The following CSMD1 variants were observed in gnomAD, a reference collection of about 807,000 sequenced individuals.
CSMD1 encodes the protein CUB and sushi domain-containing protein 1.
Under a neutral mutation model 417.5 loss-of-function variants are expected in CSMD1, and 213 were observed. The observed-to-expected ratio is 0.51, with a 90% confidence interval of 0.46 to 0.57. The LOEUF is 0.57. Ranked by LOEUF, CSMD1 falls within the 20% of genes least tolerant of loss-of-function variation. The probability of loss-of-function intolerance (pLI) is 0.00; values close to 1 mark genes in which losing one functional copy is unlikely to be tolerated. For missense variants in CSMD1, 6,923 were observed against 4,529.7 expected (o/e 1.53, Z -15.17); for synonymous variants, 2,862 against 1,736.8 (o/e 1.65, Z -16.11).
intron 2 of CSMD1, among the ~76,000 whole-genome samples, chr8:4,622,143 G>C (rs749991174): frequency 2.8e-5 from 4 of 140,588 alleles, no homozygotes; most frequent in Admixed American, 1.5e-4. Flanking sequence ...ATTTATAGAA[G>C]ATTAAACGCA....
intron 10 of CSMD1, among the ~76,000 whole-genome samples, chr8:3,537,599 G>A (rs1162534895): frequency 6.6e-6 from 1 of 152,132 alleles, no homozygotes; most frequent in African/African-American, 2.4e-5. Flanking sequence ...TTCTGATAAT[G>A]TAATGATGGA....
In CSMD1 at chr8:3,381,246, C is replaced by T. The variant is rs553272535; in HGVS notation, c.2782+6248G>A. On this transcript the variant is annotated intron_variant, in intron 18 of 69. Transcript: ENST00000635120. ...CAACTTGACAAGCCCCATGTCGGTA[C>T]CTGTTCAACAGATCTACCCACATGA... 1.8e-4 allele frequency among the ~76,000 whole-genome samples: 28 copies of T among 151,840 alleles called. 1 individual carries two copies. The East Asian group carries it at 3.9e-3, about 21-fold the overall frequency.
At chr8:4,143,321 G>A (rs922870292) in intron 3 of CSMD1, among the ~76,000 whole-genome samples, 2 of 147,740 alleles carry the variant, frequency 1.4e-5, no homozygotes, top group South Asian at 2.1e-4. Context: ...TTTATTTCCA[G>A]TTCTTCAAAT....
chr8:4,790,775 G>A (rs1029854802), intron 1 of CSMD1, among the ~76,000 whole-genome samples: 2 of 152,188 alleles, frequency 1.3e-5, no homozygotes, highest in African/African-American at 4.8e-5. Context: ...TAAATGGCTA[G>A]CCATATGCAG....
chr8:4,208,372 C>T (rs975910091), intron 3 of CSMD1, among the ~76,000 whole-genome samples: 1 of 152,038 alleles, frequency 6.6e-6, no homozygotes, highest in Non-Finnish European at 1.5e-5. Flanking sequence ...GAAGCATTTC[C>T]CCAAGGAATT....
chr8:4,947,828 G>C (rs1248178166), intron 1 of CSMD1, among the ~76,000 whole-genome samples: 2 of 152,112 alleles, frequency 1.3e-5, no homozygotes, highest in African/African-American at 2.4e-5. Context: ...TTTGCATATA[G>C]CTGTGTTTTA....
intron 3 of CSMD1, among the ~76,000 whole-genome samples, chr8:4,181,368 T>TTTA (rs58502658): frequency 1.3e-5 from 1 of 76,680 alleles, no homozygotes; most frequent in African/African-American, 6.7e-5. Context: ...TATTTATTTA[T>TTTA]TTTTTTTTTG....
At chr8:4,170,978 C>A (rs1209734847) in intron 3 of CSMD1, among the ~76,000 whole-genome samples, 2 of 151,916 alleles carry the variant, frequency 1.3e-5, no homozygotes, top group Admixed American at 6.5e-5. Context: ...AGTTGACGAA[C>A]TGAGACTGTA....
At position 4,823,029 on chromosome 8, in the gene CSMD1, ATCACTGTG is replaced by A. The variant is rs939359454; in HGVS notation, c.85+171295_85+171302del. 2.0e-5 allele frequency among the ~76,000 whole-genome samples: 3 copies of A among 152,210 alleles called. No homozygotes were observed. The East Asian group carries it at 5.8e-4, about 29-fold the overall frequency. On this transcript the variant is annotated intron_variant, in intron 1 of 69. Coordinates refer to ENST00000635120, the MANE Select transcript of CSMD1 (RefSeq NM_033225.6). ...TTTCACAATTTGCAGTTCTCATTCCATCACTGTGTCTGTGAAATGCATTTTTGCCACTC... is the reference window on the plus strand; with the variant it reads ...TTTCACAATTTGCAGTTCTCATTCCATCTGTGAAATGCATTTTTGCCACTC...
chr8:3,705,523 C>T (rs958657347), intron 7 of CSMD1, among the ~76,000 whole-genome samples: 1 of 152,164 alleles, frequency 6.6e-6, no homozygotes, highest in Non-Finnish European at 1.5e-5. Context: ...CTTTTACTCC[C>T]AGGGGAGTCT....
chr8:4,172,519 C>A (rs974754478), intron 3 of CSMD1, among the ~76,000 whole-genome samples: 14 of 151,990 alleles, frequency 9.2e-5, no homozygotes, highest in Non-Finnish European at 1.6e-4. Context: ...CAACAATATT[C>A]TCTAACTATT....
At chr8:4,273,785 T>C (rs1041877644) in intron 3 of CSMD1, among the ~76,000 whole-genome samples, 1 of 152,200 alleles carries the variant, frequency 6.6e-6, no homozygotes, top group Admixed American at 6.5e-5. Flanking sequence ...TAAGCTTCTG[T>C]CTGCGTGTAT....
chr8:3,172,372 T>A (rs1262652401), intron 37 of CSMD1, among the ~76,000 whole-genome samples: 1 of 152,228 alleles, frequency 6.6e-6, no homozygotes, highest in African/African-American at 2.4e-5. Flanking sequence ...ATGCTCATTT[T>A]TTTTCTAGGG....
At chr8:4,981,511 T>A (rs1379059123) in intron 1 of CSMD1, among the ~76,000 whole-genome samples, 3 of 152,210 alleles carry the variant, frequency 2.0e-5, no homozygotes, top group East Asian at 3.8e-4. Context: ...AAAATGACAA[T>A]GTTTAATGCA....
Position 3,396,361 on chromosome 8 carries a change from T to A in CSMD1, c.2426A>T (p.Tyr809Phe), listed in dbSNP as rs1260114641. The change falls in exon 17 of 70, where the codon TAT (tyrosine) becomes TTT (phenylalanine). Residue 809 changes from tyrosine to phenylalanine, a missense_variant. Tyr to Phe is a conservative substitution (Grantham distance 22, BLOSUM62 3). Coordinates refer to ENST00000635120, the MANE Select transcript of CSMD1 (RefSeq NM_033225.6). ...CCCATCTCTGACCTCCAAGGTGTCA[T>A]AATTGACCTCTGTCTGAAATCTGCA... is the stretch of plus-strand genomic sequence containing the variant. ...TFDRFQTEVN[Y>F]DTLEVRDGPA... 1 of 1,593,258 alleles carries A rather than the reference T, an allele frequency of 6.3e-7. No homozygotes were observed. Among genetic ancestry groups the A allele is most frequent in the Non-Finnish European group, 8.5e-7 (1 of 1,169,912 alleles).
chr8:4,536,811 C>G (rs1167987534), intron 2 of CSMD1, among the ~76,000 whole-genome samples: 3 of 152,196 alleles, frequency 2.0e-5, no homozygotes, highest in African/African-American at 7.2e-5. Context: ...ATTTTATTAA[C>G]ATGCGGCCAA....
intron 10 of CSMD1, among the ~76,000 whole-genome samples, chr8:3,500,684 T>C (rs1329552034): frequency 6.6e-6 from 1 of 152,198 alleles, no homozygotes; most frequent in Admixed American, 6.5e-5. Context: ...ATGTGTTGAA[T>C]GCTACTAAGA....
intron 7 of CSMD1, among the ~76,000 whole-genome samples, chr8:3,677,971 T>C (rs1799464983): frequency 1.3e-5 from 2 of 152,112 alleles, no homozygotes; most frequent in African/African-American, 4.8e-5. Flanking sequence ...AACACTGACT[T>C]GGTGCAGGGA....
chr8:3,486,797 C>T lies in CSMD1; in HGVS notation c.1448+6826G>A, dbSNP rs1445049065. Among the ~76,000 whole-genome samples, 6 of 152,338 alleles carry T rather than the reference C, an allele frequency of 3.9e-5. No homozygotes were observed. The East Asian group carries it at 1.2e-3, about 29-fold the overall frequency. On this transcript the variant is annotated intron_variant, in intron 11 of 69. Coordinates refer to ENST00000635120, the MANE Select transcript of CSMD1 (RefSeq NM_033225.6). ...CTGGCTTTCCCAGATAGCTCCACTG[C>T]AGCTGCTAGCCCAAATCCAAAATGC...
Sources: gnomAD v4.1 joint callset for allele counts (sites outside exome capture counted in the v4.1 genomes callset) on GRCh38, gnomAD v4.1.1 for gene constraint, MANE v1.5 for transcripts, NCBI Gene and HGNC (gene_info 2026-07-23, HGNC 2026-07-21) for gene names.